SCARB1: variants seen among roughly 807,000 people sequenced by gnomAD.
The protein encoded by SCARB1 is CD36 and LIMPII analogous 1.
SCARB1 carries 30 observed loss-of-function variants against 57.2 expected under a neutral mutation model. The observed-to-expected ratio is 0.52, with a 90% CI of 0.39 to 0.71. The LOEUF (loss-of-function observed/expected upper bound fraction) is 0.71, where lower values mean the gene tolerates loss of function less well. Ranked by LOEUF, SCARB1 falls within the 30% of genes least tolerant of loss-of-function variation. The pLI is 0.00. For missense variants in SCARB1, 543 were observed against 671.2 expected (o/e 0.81, Z 2.11); for synonymous variants, 249 against 268.3 (o/e 0.93, Z 0.70).
rs552325892 is a variant in SCARB1, at chr12:124,789,087, A to G, written c.1203-1630T>C. Among the ~76,000 whole-genome samples the G allele has an allele frequency of 1.2e-4, 18 of 152,322 alleles. No homozygotes were observed. In the South Asian group the frequency reaches 3.7e-3, roughly 32 times the overall value. On this transcript the variant is annotated intron_variant, in intron 9 of 12. Transcript: ENST00000261693. The surrounding 1 kb of genome is among the most constrained non-coding windows in gnomAD (Gnocchi z 4.4). ...ACTTACACGTCAAGTTAAAAAGATA[A>G]TAAAATCCAAAGGGAGAATAAAAGT...
At chr12:124,853,299 C>T (rs1403672261) in intron 1 of SCARB1, among the ~76,000 whole-genome samples, 6 of 151,450 alleles carry the variant, frequency 4.0e-5, no homozygotes, top group African/African-American at 1.2e-4. Context: ...TTGAGATGGG[C>T]AGGGCCCACG....
chr12:124,853,107 C>A (rs1049649967), intron 1 of SCARB1, among the ~76,000 whole-genome samples: 2 of 152,140 alleles, frequency 1.3e-5, no homozygotes, highest in Admixed American at 1.3e-4. Flanking sequence ...CAAAAGGTTA[C>A]ATTTAAGCTT....
At chr12:124,851,094 T>A (rs560680260) in intron 1 of SCARB1, among the ~76,000 whole-genome samples, 6 of 152,350 alleles carry the variant, frequency 3.9e-5, no homozygotes, top group Middle Eastern at 3.4e-3. Context: ...TCACAGCCAA[T>A]GAGCATTGAC....
chr12:124,782,886 G>A, intron 11 of SCARB1, 75 bp from the exon 12 acceptor site: 1 of 1,487,802 alleles, frequency 6.7e-7, no homozygotes, highest in South Asian at 1.1e-5. Flanking sequence ...TCTTCAATTT[G>A]CAAAAGGCAA....
rs183400075 is a variant in SCARB1, at chr12:124,822,254, T to G, written c.127-4547A>C. ...ACAAATATGGAATGATATATCCATA[T>G]TTGATAGTTGGAAACAACTCAAATA... On this transcript the variant is annotated intron_variant, in intron 1 of 12. Coordinates refer to ENST00000261693, the MANE Select transcript of SCARB1 (RefSeq NM_005505.5). This position sits in a 1 kb window ranked among gnomAD's most constrained non-coding sequence, Gnocchi z 5.0. Among the ~76,000 whole-genome samples, 1 of 142,302 alleles carries G rather than the reference T, an allele frequency of 7.0e-6. No homozygotes were observed. The highest frequency in any genetic ancestry group is 1.5e-5 in the Non-Finnish European group (1 of 67,708). The allele number at this position is 142,302 out of a possible 152,430, so 93.4% of individuals were successfully genotyped here. A position where few individuals can be genotyped will look rare whatever the true frequency, so the allele number is the denominator to read the frequency against.
In SCARB1 at chr12:124,863,648, C is replaced by A; in HGVS notation, c.73G>T (p.Gly25Cys). The A allele has an allele frequency of 6.3e-7, 1 of 1,594,304 alleles. No individual in the cohort carries two copies. The highest frequency in any genetic ancestry group is 1.1e-5 in the South Asian group (1 of 88,266). The change falls in exon 1 of 13, where the codon GGC becomes TGC. Residue 25 changes from glycine (G) to cysteine (C), a missense_variant. Transcript: ENST00000261693. ...GVAGLLCAVL[G>C]AVMIVMVPSL... ...GGCACCATCACGATCATGACAGCGC[C>A]CAGCACAGCGCACAGTAGCCCCGCG...
rs1950786358 is a variant in SCARB1 at position 124,817,469 on chromosome 12, C to T, written c.284+81G>A. 1 of 1,422,296 alleles carries T rather than the reference C, an allele frequency of 7.0e-7. No homozygotes were observed. Among genetic ancestry groups the T allele is most frequent in the Non-Finnish European group, 9.8e-7 (1 of 1,024,784 alleles). The allele number at this position is 1,422,296 out of a possible 1,614,324, so 88.1% of individuals were successfully genotyped here. Reference sequence around the variant, plus strand: ...CAATCTCTGGGGCTCAGTCAGCAGCCTCCCCATCCCGTCCACTCTGAGACC... The same window carrying T: ...CAATCTCTGGGGCTCAGTCAGCAGCTTCCCCATCCCGTCCACTCTGAGACC... On this transcript the variant is annotated intron_variant, in intron 2 of 12. Transcript: ENST00000261693. The surrounding 1 kb of genome is among the most constrained non-coding windows in gnomAD (Gnocchi z 4.8).
chr12:124,832,138 C>T (rs1223432384), intron 1 of SCARB1, among the ~76,000 whole-genome samples: 1 of 152,166 alleles, frequency 6.6e-6, no homozygotes, highest in African/African-American at 2.4e-5. Flanking sequence ...CAAATGTATC[C>T]CATTCCTTTA....
In SCARB1 at chr12:124,840,888, G is replaced by T. The variant is rs1027121052; in HGVS notation, c.126+22707C>A. Among the ~76,000 whole-genome samples the T allele has an allele frequency of 2.6e-5, 4 of 152,214 alleles. No individual in the cohort carries two copies. In the South Asian group the frequency reaches 8.3e-4, roughly 32 times the overall value. On this transcript the variant is annotated intron_variant, in intron 1 of 12. Transcript: ENST00000261693. Reference sequence around the variant, plus strand: ...AGAGAGCTCTTCAAGACTGAGTCAGGCTGGGCGTGGTGGCTCACACCTGTA... The same window carrying T: ...AGAGAGCTCTTCAAGACTGAGTCAGTCTGGGCGTGGTGGCTCACACCTGTA...
In SCARB1 at chr12:124,777,555, A is replaced by G. The variant is rs1041463943; in HGVS notation, c.*1032T>C. The G allele has an allele frequency of 6.6e-6, 1 of 152,260 alleles. No homozygotes were observed. The highest frequency in any genetic ancestry group is 1.5e-5 in the Non-Finnish European group (1 of 68,060). The allele number at this position is 152,260 out of a possible 1,614,324, so 9.4% of individuals were successfully genotyped here. On this transcript the variant is annotated 3_prime_UTR_variant, in exon 13 of 13. Coordinates refer to ENST00000261693, the MANE Select transcript of SCARB1 (RefSeq NM_005505.5). ...CAGAAAGGAGCTATTGACCAAGAGA[A>G]GAGGAGCCCGGAACTTCCCAGAGGC...
intron 1 of SCARB1, among the ~76,000 whole-genome samples, chr12:124,843,205 A>C (rs1951978630): frequency 6.7e-6 from 1 of 149,238 alleles, no homozygotes; most frequent in Admixed American, 6.7e-5. Flanking sequence ...AGCTGGGCAC[A>C]CCCAGGGAGA....
intron 1 of SCARB1, among the ~76,000 whole-genome samples, chr12:124,858,782 G>C (rs904788277): frequency 6.6e-6 from 1 of 152,038 alleles, no homozygotes; most frequent in Non-Finnish European, 1.5e-5. Context: ...AGGAGGCTGA[G>C]GCAGGAGAAT....
intron 9 of SCARB1, among the ~76,000 whole-genome samples, chr12:124,793,846 T>C (rs1405394518): frequency 6.6e-6 from 1 of 152,136 alleles, no homozygotes; most frequent in Non-Finnish European, 1.5e-5. Flanking sequence ...ATGTCCACAC[T>C]GGGACTGACA....
intron 9 of SCARB1, among the ~76,000 whole-genome samples, chr12:124,793,908 T>G (rs536672042): frequency 6.6e-6 from 1 of 152,168 alleles, no homozygotes; most frequent in South Asian, 2.1e-4. Context: ...TGGAAACAAC[T>G]CAAACGTCCA....
At position 124,819,248 on chromosome 12, in the gene SCARB1, G is replaced by A. The variant is rs184895885; in HGVS notation, c.127-1541C>T. 8.6e-3 allele frequency among the ~76,000 whole-genome samples: 1,312 copies of A among 152,312 alleles called. 12 individuals are homozygous for A. Among genetic ancestry groups the A allele is most frequent in the Non-Finnish European group, 0.015 (996 of 68,022 alleles). ...TCACAAATCTAGAAGGTGAGGCGCA[G>A]GGGACATTCCACAGCAACCACAGCC... is the stretch of plus-strand genomic sequence containing the variant. On this transcript the variant is annotated intron_variant, in intron 1 of 12. Transcript: ENST00000261693.
At chr12:124,794,383 T>A (rs1949853499) in intron 9 of SCARB1, among the ~76,000 whole-genome samples, 1 of 150,714 alleles carries the variant, frequency 6.6e-6, no homozygotes. Context: ...AAAGAGGAAA[T>A]CAGTGCTTGA....
intron 1 of SCARB1, among the ~76,000 whole-genome samples, chr12:124,852,917 G>T (rs1041442618): frequency 6.6e-6 from 1 of 152,132 alleles, no homozygotes; most frequent in African/African-American, 2.4e-5. Flanking sequence ...GTGCACGCCT[G>T]TAATCCCAGC....
intron 1 of SCARB1, among the ~76,000 whole-genome samples, chr12:124,859,852 T>G (rs1952815361): frequency 1.3e-5 from 2 of 152,012 alleles, no homozygotes; most frequent in African/African-American, 4.8e-5. Flanking sequence ...TATTGTTTGG[T>G]GGGTTTTTTT....
rs771880778 is a variant in SCARB1 at position 124,863,710 on chromosome 12, G to C, written c.11C>G (p.Ser4Cys). 20 of 1,528,934 alleles carry C rather than the reference G, an allele frequency of 1.3e-5. No individual in the cohort carries two copies. The Admixed American group carries it at 4.1e-4, about 31-fold the overall frequency. The allele number at this position is 1,528,934 out of a possible 1,614,324, so 94.7% of individuals were successfully genotyped here. The change falls in exon 1 of 13, where the codon TCC becomes TGC. Residue 4 changes from serine to cysteine, a missense_variant. Transcript: ENST00000261693. The stretch of plus-strand genomic sequence containing the variant: ...CCCGGCAGCCCAGCGCGCTTTGGCG[G>C]AGCAGCCCATGTCTGCGCGCCTGGG... MGC[S>C]AKARWAAGAL...
Sources: allele counts gnomAD v4.1 joint callset (sites outside exome capture counted in the v4.1 genomes callset), GRCh38; gene constraint gnomAD v4.1.1; non-coding constraint Gnocchi (gnomAD v3.1); transcripts MANE v1.5; gene names NCBI Gene and HGNC (gene_info 2026-07-23, HGNC 2026-07-21).